FAIM2: variants seen among roughly 807,000 people sequenced by gnomAD.
FAIM2 encodes the protein Fas apoptotic inhibitory molecule 2, also known as protein lifeguard 2.
Under a neutral mutation model 47.4 loss-of-function variants are expected in FAIM2, and 27 were observed. That is an observed-to-expected ratio of 0.57 (90% CI 0.42 to 0.78). The LOEUF (loss-of-function observed/expected upper bound fraction) is 0.78. Ranked by LOEUF, FAIM2 falls within the 30% of genes least tolerant of loss-of-function variation. FAIM2 has a pLI of 0.00. For synonymous variants in FAIM2, 156 were observed against 159.3 expected, an observed-to-expected ratio of 0.98 and a Z score of 0.16; for missense variants, 311 against 389.4, an observed-to-expected ratio of 0.80 and a Z score of 1.69.
intron 5 of FAIM2, among the ~76,000 whole-genome samples, chr12:49,893,446 T>C (rs1299311709): frequency 6.6e-6 from 1 of 152,180 alleles, no homozygotes; most frequent in Non-Finnish European, 1.5e-5. Flanking sequence ...GGCCAGCTCC[T>C]CTGACTTCCC....
At chr12:49,885,440 CCT>C (rs776737406) in intron 11 of FAIM2, among the ~76,000 whole-genome samples, 18 of 152,232 alleles carry the variant, frequency 1.2e-4, no homozygotes, top group Non-Finnish European at 1.8e-4. Context: ...ATGTGGCCCT[CCT>C]CTTTCTCTCC....
chr12:49,884,843 G>T (rs536766173), intron 11 of FAIM2, among the ~76,000 whole-genome samples: 1 of 152,186 alleles, frequency 6.6e-6, no homozygotes, highest in Non-Finnish European at 1.5e-5. Flanking sequence ...GCATGGTGGC[G>T]GGCACCTGTA....
At chr12:49,891,368 C>T (rs930816837) in intron 5 of FAIM2, among the ~76,000 whole-genome samples, 1 of 152,200 alleles carries the variant, frequency 6.6e-6, no homozygotes, top group Admixed American at 6.5e-5. Flanking sequence ...TGTTCCTGAC[C>T]ACCCAATACA....
intron 11 of FAIM2, among the ~76,000 whole-genome samples, chr12:49,881,864 C>CCCT (rs1565615627): frequency 6.6e-6 from 1 of 152,196 alleles, no homozygotes; most frequent in African/African-American, 2.4e-5. Context: ...CAAAGCTGGA[C>CCCT]CAGAGCCCTG....
At chr12:49,892,339 G>A (rs297925) in intron 5 of FAIM2, among the ~76,000 whole-genome samples, 2,130 of 151,974 alleles carry the variant, frequency 0.014, 38 homozygotes, top group African/African-American at 0.046. Context: ...GCTGTTTTCC[G>A]TCTTTAACCA....
chr12:49,880,930 C>G (rs1008445694), intron 11 of FAIM2, among the ~76,000 whole-genome samples: 1 of 151,914 alleles, frequency 6.6e-6, no homozygotes, highest in African/African-American at 2.4e-5. Context: ...TTGGCTTCAG[C>G]GCATGCTCAG....
At chr12:49,891,365 G>A (rs1040881849) in intron 5 of FAIM2, among the ~76,000 whole-genome samples, 12 of 152,148 alleles carry the variant, frequency 7.9e-5, no homozygotes, top group Non-Finnish European at 1.3e-4. Flanking sequence ...AGCTGTTCCT[G>A]ACCACCCAAT....
Position 49,901,038 on chromosome 12 carries a change from C to T in FAIM2, c.211+92G>A. ...AGCTTCATACAACCACACAGTGTAC[C>T]TCTTTCTGGACAACTTCCTCCTACT... On this transcript the variant is annotated intron_variant, in intron 2 of 11. Transcript: ENST00000320634. The T allele has an allele frequency of 7.9e-6, 8 of 1,006,476 alleles. No homozygotes were observed. The South Asian group carries it at 1.4e-4, about 18-fold the overall frequency. 62.3% of individuals were successfully genotyped at this position (1,006,476 alleles called of 1,614,324 possible).
Position 49,889,501 on chromosome 12 carries a change from C to T in FAIM2, c.631G>A (p.Val211Ile), listed in dbSNP as rs150732432. The change falls in exon 9 of 12, where the codon GTC becomes ATC. Residue 211 changes from valine (V) to isoleucine (I), a missense_variant. Val to Ile is a conservative substitution (Grantham distance 29). Transcript: ENST00000320634. ...CTGACCTTGGTCTGGAAGCTGAAGA[C>T]GGTGACTGAGAGGCAGACAAGGGCC... ...ITALVCLSVT[V>I]FSFQTKFDFT... 8.0e-5 allele frequency: 129 copies of T among 1,614,044 alleles called. No homozygotes were observed. The highest frequency in any genetic ancestry group is 1.0e-4 in the Non-Finnish European group (120 of 1,179,952).
chr12:49,879,345 T>C (rs1335353159), intron 11 of FAIM2, among the ~76,000 whole-genome samples: 2 of 150,628 alleles, frequency 1.3e-5, no homozygotes. Context: ...TGTTTATGTG[T>C]GCATGTGAGT....
rs748447824 is a variant in FAIM2, at chr12:49,897,047, A to G, written c.418T>C (p.Trp140Arg). ...TATACTCACTAGGATGCCCAGTACCAGCCTGGGTTGGCCTGGACATAGTCC... is the reference window on the plus strand; with the variant it reads ...TATACTCACTAGGATGCCCAGTACCGGCCTGGGTTGGCCTGGACATAGTCC... ...VKDYVQANPG[W>R]YWASYAVFFA... Residue 140 changes from tryptophan (W) to arginine (R), a missense_variant, in exon 5 of 12, where the codon TGG (tryptophan) becomes CGG (arginine). Transcript: ENST00000320634. The G allele has an allele frequency of 1.5e-5, 24 of 1,613,644 alleles. No individual in the cohort carries two copies. Among genetic ancestry groups the G allele is most frequent in the Non-Finnish European group, 1.9e-5 (23 of 1,179,642 alleles).
intron 11 of FAIM2, among the ~76,000 whole-genome samples, chr12:49,880,655 A>G (rs1297059862): frequency 7.1e-6 from 1 of 140,974 alleles, no homozygotes; most frequent in Non-Finnish European, 1.5e-5. Context: ...TGTATCTGTG[A>G]GTGCATGTGT....
chr12:49,871,411 G>A (rs1011123048), intron 11 of FAIM2, among the ~76,000 whole-genome samples: 69 of 152,094 alleles, frequency 4.5e-4, no homozygotes, highest in African/African-American at 1.6e-3. Flanking sequence ...ACTAGGAACA[G>A]ATTCCCTCTG....
chr12:49,895,084 C>A (rs1946927002), intron 5 of FAIM2, among the ~76,000 whole-genome samples: 1 of 144,446 alleles, frequency 6.9e-6, no homozygotes, highest in South Asian at 2.2e-4. Flanking sequence ...CAGGCAGGAC[C>A]CCAGGCAGGT....
intron 10 of FAIM2, among the ~76,000 whole-genome samples, chr12:49,888,342 G>A (rs1946875743): frequency 1.3e-5 from 2 of 152,176 alleles, no homozygotes; most frequent in Admixed American, 6.5e-5. Flanking sequence ...AGGTGGGGAG[G>A]GGGATGTGAG....
chr12:49,881,605 C>T (rs1946826562), intron 11 of FAIM2, among the ~76,000 whole-genome samples: 1 of 152,172 alleles, frequency 6.6e-6, no homozygotes, highest in African/African-American at 2.4e-5. Context: ...CCCCGCCCGA[C>T]CCTCGTGCTT....
At position 49,878,461 on chromosome 12, in the gene FAIM2, CATGT is replaced by C. The variant is rs1316381117; in HGVS notation, c.802-7812_802-7809del. 2.8e-4 allele frequency among the ~76,000 whole-genome samples: 25 copies of C among 89,318 alleles called. 4 individuals are homozygous for C. Among genetic ancestry groups the C allele is most frequent in the Non-Finnish European group, 5.2e-4 (23 of 44,618 alleles). The allele number at this position is 89,318 out of a possible 152,430, so 58.6% of individuals were successfully genotyped here. A position where few individuals can be genotyped will look rare whatever the true frequency, so the allele number is the denominator to read the frequency against. ...GTGTGTGTCTGAGTGAATGTGTATG[CATGT>C]ATGTGTGTGTGCATGTGTGTATATG... On this transcript the variant is annotated intron_variant, in intron 11 of 11. Transcript: ENST00000320634.
At chr12:49,893,973 G>C (rs1429022249) in intron 5 of FAIM2, among the ~76,000 whole-genome samples, 1 of 152,160 alleles carries the variant, frequency 6.6e-6, no homozygotes, top group Non-Finnish European at 1.5e-5. Context: ...TTTTCTCTCT[G>C]GTTCATAGCT....
chr12:49,886,047 G>A (rs753415212), intron 11 of FAIM2, among the ~76,000 whole-genome samples: 3 of 151,994 alleles, frequency 2.0e-5, no homozygotes, highest in Non-Finnish European at 4.4e-5. Context: ...ACAAGCCTCC[G>A]GAAATTTGAC....
Sources: gnomAD v4.1 joint callset for allele counts (sites outside exome capture counted in the v4.1 genomes callset) on GRCh38, gnomAD v4.1.1 for gene constraint, MANE v1.5 for transcripts, NCBI Gene and HGNC (gene_info 2026-07-23, HGNC 2026-07-21) for gene names.